The following PLCL1 variants were observed in gnomAD, a reference collection of about 807,000 sequenced individuals.
PLCL1 encodes the protein inactive phospholipase C-like protein 1.
In PLCL1, 41 loss-of-function variants were observed where a neutral mutation model predicts 84.4. That is an observed-to-expected ratio of 0.49 (90% confidence interval 0.38 to 0.63). PLCL1 has a LOEUF of 0.63. Ranked by LOEUF, PLCL1 falls within the 30% of genes least tolerant of loss-of-function variation. The pLI is 0.00. For synonymous variants in PLCL1, 490 were observed against 488.3 expected (o/e 1.00, Z -0.05); for missense variants, 1,206 against 1,367.8 (o/e 0.88, Z 1.87).
At chr2:197,974,443 G>T (rs1177321513) in intron 1 of PLCL1, among the ~76,000 whole-genome samples, 1 of 152,136 alleles carries the variant, frequency 6.6e-6, no homozygotes, top group Admixed American at 6.5e-5. Context: ...GAAATGATAT[G>T]GTAATTATTG....
intron 1 of PLCL1, among the ~76,000 whole-genome samples, chr2:197,856,680 A>G (rs951641439): frequency 2.0e-5 from 3 of 152,196 alleles, no homozygotes; most frequent in Non-Finnish European, 4.4e-5. Flanking sequence ...TGGTTTATAC[A>G]ATATATAAGA....
intron 5 of PLCL1, among the ~76,000 whole-genome samples, chr2:198,143,619 C>A (rs531764822): frequency 7.4e-4 from 113 of 152,204 alleles, no homozygotes; most frequent in South Asian, 1.7e-3. Flanking sequence ...AAAAAGTCAG[C>A]ATGCCAAGGG....
chr2:198,066,466 C>T (rs540572550), intron 1 of PLCL1, among the ~76,000 whole-genome samples: 42 of 151,674 alleles, frequency 2.8e-4, no homozygotes, highest in African/African-American at 9.2e-4. Flanking sequence ...TCAGTAGCTC[C>T]TCAAATAAAT....
At chr2:197,882,063 A>C (rs903646931) in intron 1 of PLCL1, among the ~76,000 whole-genome samples, 1 of 152,158 alleles carries the variant, frequency 6.6e-6, no homozygotes, top group Non-Finnish European at 1.5e-5. Context: ...GTAAGAGATG[A>C]GGCACCTCAC....
intron 1 of PLCL1, among the ~76,000 whole-genome samples, chr2:198,027,738 G>T (rs1490316157): frequency 6.6e-6 from 1 of 152,144 alleles, no homozygotes; most frequent in East Asian, 1.9e-4. Flanking sequence ...TAATATCCTA[G>T]TTTTTGATAA....
At chr2:197,844,525 C>T (rs1372916272) in intron 1 of PLCL1, among the ~76,000 whole-genome samples, 1 of 152,096 alleles carries the variant, frequency 6.6e-6, no homozygotes, top group Non-Finnish European at 1.5e-5. Flanking sequence ...TTTACACTTA[C>T]TGTCACTCTT....
chr2:198,098,334 T>A (rs1441044944), intron 3 of PLCL1, among the ~76,000 whole-genome samples: 1 of 152,222 alleles, frequency 6.6e-6, no homozygotes, highest in Non-Finnish European at 1.5e-5. Context: ...AAAATGTTTA[T>A]CATGATTGAT....
chr2:197,884,350 C>A (rs1574930404), intron 1 of PLCL1, among the ~76,000 whole-genome samples: 1 of 152,304 alleles, frequency 6.6e-6, no homozygotes, highest in East Asian at 1.9e-4. Context: ...AAAAGTTTAG[C>A]TCCCAGTTGA....
rs1343860827 is a variant in PLCL1 at position 197,804,923 on chromosome 2, T to C, written c.-177T>C. On this transcript the variant is annotated 5_prime_UTR_variant, in exon 1 of 6. An upstream start codon of the reference 5' UTR is lost. Transcript: ENST00000428675. ...CCCGAGGACGTCTCTGCCCGAGCGATGTCCCCTCTCCAGAAAGTTGCCGCC... is the reference window on the plus strand; with the variant it reads ...CCCGAGGACGTCTCTGCCCGAGCGACGTCCCCTCTCCAGAAAGTTGCCGCC... 11 of 603,036 alleles carry C rather than the reference T, an allele frequency of 1.8e-5. No homozygotes were observed. Among genetic ancestry groups the C allele is most frequent in the South Asian group, 1.2e-4 (5 of 42,304 alleles). The allele number at this position is 603,036 out of a possible 1,614,324, so 37.4% of individuals were successfully genotyped here. A position where few individuals can be genotyped will look rare whatever the true frequency, so the allele number is the denominator to read the frequency against.
chr2:198,037,373 T>C (rs878876922), intron 1 of PLCL1, among the ~76,000 whole-genome samples: 1 of 152,210 alleles, frequency 6.6e-6, no homozygotes, highest in Admixed American at 6.5e-5. Context: ...TCTTGGAAAT[T>C]AAAAATGCAT....
At chr2:198,079,621 T>G (rs1220875387) in intron 1 of PLCL1, among the ~76,000 whole-genome samples, 3 of 152,172 alleles carry the variant, frequency 2.0e-5, no homozygotes, top group Non-Finnish European at 2.9e-5. Flanking sequence ...CTCTTCTTGA[T>G]TCTGATGATT....
chr2:198,051,296 G>C, intron 1 of PLCL1, among the ~76,000 whole-genome samples: 1 of 152,070 alleles, frequency 6.6e-6, no homozygotes, highest in East Asian at 1.9e-4. Context: ...AACAATTTTA[G>C]GTTAATAGAA....
At chr2:198,110,367 T>C (rs1377595125) in intron 5 of PLCL1, among the ~76,000 whole-genome samples, 2 of 151,926 alleles carry the variant, frequency 1.3e-5, no homozygotes, top group African/African-American at 4.8e-5. Context: ...AGCTTCTCAC[T>C]TCTCCGTGTG....
intron 1 of PLCL1, among the ~76,000 whole-genome samples, chr2:197,994,249 G>A (rs1690410326): frequency 6.6e-6 from 1 of 152,134 alleles, no homozygotes; most frequent in African/African-American, 2.4e-5. Flanking sequence ...TAGAGATGAG[G>A]AGAAGGGTAA....
intron 1 of PLCL1, among the ~76,000 whole-genome samples, chr2:198,075,894 T>G (rs964375811): frequency 2.0e-5 from 3 of 152,222 alleles, no homozygotes; most frequent in Non-Finnish European, 4.4e-5. Flanking sequence ...GTACAATGCA[T>G]AGCCCAGAGT....
chr2:198,017,757 T>C (rs1393830003), intron 1 of PLCL1, among the ~76,000 whole-genome samples: 1 of 152,196 alleles, frequency 6.6e-6, no homozygotes, highest in Non-Finnish European at 1.5e-5. Flanking sequence ...TTCCGCAAAA[T>C]TTTAACTCAA....
chr2:198,135,205 A>G (rs985345863), intron 5 of PLCL1, among the ~76,000 whole-genome samples: 2 of 152,174 alleles, frequency 1.3e-5, no homozygotes, highest in African/African-American at 4.8e-5. Context: ...TCATGGCGGT[A>G]GTATGAATTC....
chr2:197,923,140 C>A (rs2105757453), intron 1 of PLCL1, among the ~76,000 whole-genome samples: 2 of 144,884 alleles, frequency 1.4e-5, no homozygotes, highest in African/African-American at 5.1e-5. Context: ...CTCCTCACTT[C>A]CCAGTAGGGG....
intron 1 of PLCL1, among the ~76,000 whole-genome samples, chr2:197,927,793 A>G (rs1688861087): frequency 6.6e-6 from 1 of 152,170 alleles, no homozygotes; most frequent in Non-Finnish European, 1.5e-5. Flanking sequence ...GAGTGTCAAA[A>G]TCTATGTTTA....
Sources: allele counts gnomAD v4.1 joint callset (sites outside exome capture counted in the v4.1 genomes callset), GRCh38; gene constraint gnomAD v4.1.1; transcripts MANE v1.5; gene names NCBI Gene and HGNC (gene_info 2026-07-23, HGNC 2026-07-21).